The following LIPA variants were observed in gnomAD, a reference collection of about 807,000 sequenced individuals.
LIPA encodes lysosomal acid lipase/cholesteryl ester hydrolase.
In LIPA, 26 loss-of-function variants were observed where a neutral mutation model predicts 40.6. That is an observed-to-expected ratio of 0.64 (90% confidence interval 0.47 to 0.89). The LOEUF is 0.89. LIPA is among the 40% of genes least tolerant of loss of function. The probability of loss-of-function intolerance (pLI) is 0.00; values close to 1 mark genes in which losing one functional copy is unlikely to be tolerated. For missense variants in LIPA, 455 were observed against 479.6 expected (o/e 0.95, Z 0.48); for synonymous variants, 188 against 168.4 (o/e 1.12, Z -0.90).
At chr10:89,314,603 G>A (rs570128758) in intron 1 of LIPA, 4 of 152,368 alleles carry the variant, frequency 2.6e-5, no homozygotes, top group Admixed American at 1.3e-4. Flanking sequence ...AGGAGGTGAA[G>A]GTTGCAGTGA....
At chr10:89,391,527 AT>A (rs2133609981) in intron 2 of LIPA, among the ~76,000 whole-genome samples, 1 of 151,216 alleles carries the variant, frequency 6.6e-6, no homozygotes, top group East Asian at 1.9e-4. Context: ...ACAATTTTTT[AT>A]TTTTTATTTA....
In LIPA at chr10:89,306,070, A is replaced by C. The variant is rs776089158; in HGVS notation, c.-2+36541T>G. The C allele has an allele frequency of 2.5e-6, 4 of 1,614,128 alleles. No homozygotes were observed. In the South Asian group the frequency reaches 4.4e-5, roughly 18 times the overall value. On this transcript the variant is annotated intron_variant, in intron 1 of 5. Transcript: ENST00000282673. ...CCTTGGATGATTTTGAAGACAAAGT[A>C]TTTTACCGGACTGAGTTTCAGAATC...
At chr10:89,286,929 C>T (rs1020747258) in intron 1 of LIPA, among the ~76,000 whole-genome samples, 1 of 152,146 alleles carries the variant, frequency 6.6e-6, no homozygotes, top group African/African-American at 2.4e-5. Flanking sequence ...CCGCAGCAGT[C>T]AAGCATTCCT....
intron 1 of LIPA, among the ~76,000 whole-genome samples, chr10:89,303,079 C>A (rs774180631): frequency 4.0e-5 from 6 of 151,030 alleles, no homozygotes; most frequent in Non-Finnish European, 7.4e-5. Flanking sequence ...ATCTATAGAA[C>A]CCTTTTCTTA....
At chr10:89,331,281 TCCC>T (rs1396006475) in intron 1 of LIPA, among the ~76,000 whole-genome samples, 3 of 152,072 alleles carry the variant, frequency 2.0e-5, no homozygotes, top group African/African-American at 7.2e-5. Context: ...CAAGGGATTC[TCCC>T]ACCCAGCCTC....
chr10:89,383,857 G>A (rs201077082), intron 2 of LIPA: 16 of 1,614,064 alleles, frequency 9.9e-6, no homozygotes, highest in South Asian at 2.2e-5. Flanking sequence ...TACTGGGTAC[G>A]CAATCACCGT....
At chr10:89,269,413 C>G (rs2133491707) in intron 1 of LIPA, among the ~76,000 whole-genome samples, 1 of 152,156 alleles carries the variant, frequency 6.6e-6, no homozygotes, top group East Asian at 1.9e-4. Flanking sequence ...AGGATCATGT[C>G]CTAGAAACAA....
intron 2 of LIPA, among the ~76,000 whole-genome samples, chr10:89,388,552 G>A (rs1418760557): frequency 2.0e-5 from 3 of 152,102 alleles, no homozygotes; most frequent in African/African-American, 7.2e-5. Flanking sequence ...TAGTTTGGGA[G>A]GAAAAATATG....
intron 1 of LIPA, among the ~76,000 whole-genome samples, chr10:89,267,546 A>T (rs1843242801): frequency 8.3e-6 from 1 of 120,176 alleles, no homozygotes; most frequent in Non-Finnish European, 1.6e-5. Context: ...ACATGGTCAC[A>T]GGAAGGGGAA....
intron 2 of LIPA, among the ~76,000 whole-genome samples, chr10:89,365,549 G>A (rs534773481): frequency 6.6e-6 from 1 of 152,224 alleles, no homozygotes; most frequent in South Asian, 2.1e-4. Context: ...GAATGGTATT[G>A]CCTAGGTTTT....
chr10:89,376,134 G>C (rs2133599731), intron 2 of LIPA, among the ~76,000 whole-genome samples: 1 of 146,086 alleles, frequency 6.8e-6, no homozygotes, highest in South Asian at 2.2e-4. Flanking sequence ...GTTGCAGTGA[G>C]CAGAGATAGT....
At chr10:89,243,589 G>A (rs1462395459) in intron 3 of LIPA, among the ~76,000 whole-genome samples, 1 of 117,310 alleles carries the variant, frequency 8.5e-6, no homozygotes, top group African/African-American at 3.2e-5. Flanking sequence ...ATCCCACAGA[G>A]GTTAAAAAAA....
chr10:89,279,224 C>T (rs10430719), intron 1 of LIPA, among the ~76,000 whole-genome samples: 29,416 of 152,104 alleles, frequency 0.19, 3,903 homozygotes, highest in East Asian at 0.66. Context: ...CTGAAATGAA[C>T]CCTGGCCTTT....
intron 2 of LIPA, among the ~76,000 whole-genome samples, chr10:89,371,680 C>A (rs1451309570): frequency 3.9e-5 from 6 of 152,170 alleles, no homozygotes; most frequent in Non-Finnish European, 1.5e-5. Flanking sequence ...AAGCCCCTGA[C>A]AATGAATGCT....
At chr10:89,249,247 A>C (rs1843079594) in intron 1 of LIPA, among the ~76,000 whole-genome samples, 1 of 152,234 alleles carries the variant, frequency 6.6e-6, no homozygotes, top group African/African-American at 2.4e-5. Flanking sequence ...AAATCAACAA[A>C]GACCATCTTG....
At chr10:89,302,422 C>T (rs1284822247) in intron 1 of LIPA, among the ~76,000 whole-genome samples, 5 of 152,160 alleles carry the variant, frequency 3.3e-5, no homozygotes, top group Non-Finnish European at 7.3e-5. Flanking sequence ...GATGTTTCAT[C>T]GGCCTGGTGC....
At chr10:89,338,543 G>C in intron 1 of LIPA, 1 of 952,872 alleles carries the variant, frequency 1.0e-6, no homozygotes, top group Admixed American at 2.5e-5. Flanking sequence ...CAGAAATAAT[G>C]TTGGACCAAA....
chr10:89,265,858 C>T (rs912813274), intron 1 of LIPA, among the ~76,000 whole-genome samples: 5 of 152,206 alleles, frequency 3.3e-5, no homozygotes, highest in African/African-American at 1.2e-4. Flanking sequence ...GTTATTATTA[C>T]AGGTGGAGCA....
intron 1 of LIPA, among the ~76,000 whole-genome samples, chr10:89,291,294 T>C (rs1004976194): frequency 3.3e-5 from 5 of 152,150 alleles, no homozygotes; most frequent in African/African-American, 7.2e-5. Flanking sequence ...ATTAAATGTA[T>C]ACATTCACAT....
Sources: allele counts gnomAD v4.1 joint callset (sites outside exome capture counted in the v4.1 genomes callset), GRCh38; gene constraint gnomAD v4.1.1; transcripts MANE v1.5; gene names NCBI Gene and HGNC (gene_info 2026-07-23, HGNC 2026-07-21).